Variants in ZSWIM6 observed in about 807,000 individuals in gnomAD.
ZSWIM6 encodes zinc finger SWIM domain-containing protein 6.
ZSWIM6 carries 9 observed loss-of-function variants against 113.2 expected under a neutral mutation model. That is an observed-to-expected ratio of 0.08 (90% confidence interval 0.05 to 0.14). The LOEUF (loss-of-function observed/expected upper bound fraction) is 0.14, where lower values mean the gene tolerates loss of function less well. Ranked by LOEUF, ZSWIM6 falls within the 10% of genes least tolerant of loss-of-function variation. The pLI is 1.00. For missense variants in ZSWIM6, 1,162 were observed against 1,552.2 expected, an observed-to-expected ratio of 0.75 and a Z score of 4.22; for synonymous variants, 611 against 606.5, an observed-to-expected ratio of 1.01 and a Z score of -0.11.
chr5:61,391,907 G>T, intron 1 of ZSWIM6: 3 of 577,002 alleles, frequency 5.2e-6, no homozygotes, highest in South Asian at 2.1e-5. Flanking sequence ...GCAAAAAATG[G>T]TATTTTCAAA....
chr5:61,526,087 A>C (rs2112268576), intron 6 of ZSWIM6, 111 bp downstream of exon 6: 1 of 1,422,558 alleles, frequency 7.0e-7, no homozygotes, highest in Non-Finnish European at 9.5e-7. Context: ...GAGATGGATG[A>C]ATGCTTGGCA....
intron 1 of ZSWIM6, among the ~76,000 whole-genome samples, chr5:61,399,099 T>C (rs1434126396): frequency 6.6e-6 from 1 of 151,446 alleles, no homozygotes; most frequent in Non-Finnish European, 1.5e-5. Context: ...ATTCTTGTAT[T>C]TTTTTAGTAG....
At chr5:61,511,742 A>G (rs1179516940) in intron 4 of ZSWIM6, among the ~76,000 whole-genome samples, 1 of 152,164 alleles carries the variant, frequency 6.6e-6, no homozygotes, top group Non-Finnish European at 1.5e-5. Context: ...TTTGTTGTTT[A>G]TGAGCTACCA....
Position 61,438,613 on chromosome 5 carries a change from G to T in ZSWIM6, c.677-34068G>T, listed in dbSNP as rs139195887. Reference sequence around the variant, plus strand: ...GAGCACGTAATATCAGAGCAAACAGGCAATGAACAACATATAATTCTGTAT... The same window carrying T: ...GAGCACGTAATATCAGAGCAAACAGTCAATGAACAACATATAATTCTGTAT... On this transcript the variant is annotated intron_variant, in intron 1 of 13. Coordinates refer to ENST00000252744, the MANE Select transcript of ZSWIM6 (RefSeq NM_020928.2). Among the ~76,000 whole-genome samples the T allele has an allele frequency of 2.4e-4, 37 of 152,210 alleles. No individual in the cohort carries two copies. The East Asian group carries it at 7.0e-3, about 29-fold the overall frequency.
At chr5:61,486,652 G>GAT (rs1359427267) in intron 2 of ZSWIM6, among the ~76,000 whole-genome samples, 2 of 152,132 alleles carry the variant, frequency 1.3e-5, no homozygotes, top group Non-Finnish European at 2.9e-5. Flanking sequence ...GGTATAAGAT[G>GAT]ATATCTCATT....
Position 61,356,543 on chromosome 5 carries a change from A to G in ZSWIM6, c.676+23595A>G, listed in dbSNP as rs928840477. On this transcript the variant is annotated intron_variant, in intron 1 of 13. Transcript: ENST00000252744. ...GCAATTACTTTTGCACCAACCTAAT[A>G]TATTTACTTTAAAAAATCATTCCTT... Among the ~76,000 whole-genome samples the G allele has an allele frequency of 5.3e-5, 8 of 151,178 alleles. No homozygotes were observed. In the East Asian group the frequency reaches 1.4e-3, roughly 26 times the overall value.
At chr5:61,399,237 T>TG (rs1428445347) in intron 1 of ZSWIM6, among the ~76,000 whole-genome samples, 84 of 150,420 alleles carry the variant, frequency 5.6e-4, no homozygotes, top group Middle Eastern at 3.4e-3. Flanking sequence ...GTATGTTTTT[T>TG]TTTTTTTTTT....
rs1163508502 is a variant in ZSWIM6 at position 61,526,230 on chromosome 5, C to A, written c.1691-20C>A. On this transcript the variant is annotated intron_variant, in intron 6 of 13. Coordinates refer to ENST00000252744, the MANE Select transcript of ZSWIM6 (RefSeq NM_020928.2). ...TATATCTGACAGTGGCAACTTTACC[C>A]CCTTGACTTTCTGTTTTAGAACATG... The A allele has an allele frequency of 6.5e-7, 1 of 1,537,158 alleles. No homozygotes were observed. Among genetic ancestry groups the A allele is most frequent in the Admixed American group, 2.1e-5 (1 of 47,454 alleles).
chr5:61,418,629 A>G (rs958424486), intron 1 of ZSWIM6, among the ~76,000 whole-genome samples: 39 of 152,156 alleles, frequency 2.6e-4, no homozygotes, highest in African/African-American at 8.2e-4. Flanking sequence ...AAGACACAGA[A>G]ACAAATGTTT....
At chr5:61,347,993 G>A (rs970381252) in intron 1 of ZSWIM6, among the ~76,000 whole-genome samples, 3 of 151,972 alleles carry the variant, frequency 2.0e-5, no homozygotes, top group Non-Finnish European at 4.4e-5. Flanking sequence ...AGGCTGAGGC[G>A]GGTGGATCAC....
At chr5:61,507,262 A>C (rs1270675163) in intron 4 of ZSWIM6, among the ~76,000 whole-genome samples, 1 of 152,102 alleles carries the variant, frequency 6.6e-6, no homozygotes, top group Non-Finnish European at 1.5e-5. Flanking sequence ...TGTTCAAAAA[A>C]CCCCACAAAA....
At chr5:61,363,145 A>G (rs1370977489) in intron 1 of ZSWIM6, among the ~76,000 whole-genome samples, 5 of 151,964 alleles carry the variant, frequency 3.3e-5, no homozygotes, top group African/African-American at 1.2e-4. Flanking sequence ...TCCTTTCCCC[A>G]CCCCACAGGG....
chr5:61,541,749 T>TCAAA (rs1465008956), intron 12 of ZSWIM6, 135 bp from the exon 13 acceptor site: 1 of 712,520 alleles, frequency 1.4e-6, no homozygotes, highest in Non-Finnish European at 2.3e-6. Flanking sequence ...TGTAGAGCTT[T>TCAAA]GCTCTAAATT....
chr5:61,507,894 A>G (rs1334887000), intron 4 of ZSWIM6, among the ~76,000 whole-genome samples: 1 of 152,222 alleles, frequency 6.6e-6, no homozygotes, highest in East Asian at 1.9e-4. Context: ...TGGAATTCAT[A>G]TATACATAAC....
At chr5:61,437,592 G>A (rs902660934) in intron 1 of ZSWIM6, among the ~76,000 whole-genome samples, 5 of 151,706 alleles carry the variant, frequency 3.3e-5, no homozygotes, top group African/African-American at 7.3e-5. Context: ...GCATGGTAGC[G>A]TGTGCCTTGG....
intron 1 of ZSWIM6, among the ~76,000 whole-genome samples, chr5:61,450,111 A>G (rs999076991): frequency 5.9e-5 from 9 of 152,178 alleles, no homozygotes; most frequent in African/African-American, 2.2e-4. Context: ...TAGAAATTCA[A>G]TATAATAACA....
rs1426374109 is a variant in ZSWIM6 at position 61,333,035 on chromosome 5, C to T, written c.676+87C>T. On this transcript the variant is annotated intron_variant, in intron 1 of 13. Coordinates refer to ENST00000252744, the MANE Select transcript of ZSWIM6 (RefSeq NM_020928.2). The stretch of plus-strand genomic sequence containing the variant: ...TGCCCGCCTTTCTCCTGCGGACAGC[C>T]CCTAGTTCCGCGCGCGCCCGCACCC... 4.3e-5 allele frequency: 46 copies of T among 1,063,904 alleles called. 1 individual carries two copies. Among genetic ancestry groups the T allele is most frequent in the Middle Eastern group, 4.3e-4 (1 of 2,310 alleles). The allele number at this position is 1,063,904 out of a possible 1,614,324, so 65.9% of individuals were successfully genotyped here. A position where few individuals can be genotyped will look rare whatever the true frequency, so the allele number is the denominator to read the frequency against.
intron 1 of ZSWIM6, among the ~76,000 whole-genome samples, chr5:61,372,874 CT>C (rs896546171): frequency 4.6e-5 from 7 of 151,928 alleles, no homozygotes; most frequent in Admixed American, 2.6e-4. Flanking sequence ...TTCAATATTT[CT>C]TTTTTTCATT....
intron 1 of ZSWIM6, among the ~76,000 whole-genome samples, chr5:61,457,583 G>A (rs562413117): frequency 3.3e-5 from 5 of 152,054 alleles, no homozygotes; most frequent in Admixed American, 6.6e-5. Flanking sequence ...GTGCACTGGC[G>A]TGATCTCGGC....
Sources: allele counts gnomAD v4.1 joint callset (sites outside exome capture counted in the v4.1 genomes callset), GRCh38; gene constraint gnomAD v4.1.1; transcripts MANE v1.5; gene names NCBI Gene and HGNC (gene_info 2026-07-23, HGNC 2026-07-21).